Variants in DTNB observed in about 807,000 individuals in gnomAD.
The protein encoded by DTNB is DTN-B.
In DTNB, 63 loss-of-function variants were observed where a neutral mutation model predicts 90.7. The ratio of observed to expected loss-of-function variants is 0.69; its 90% CI spans 0.57 to 0.86. The LOEUF (loss-of-function observed/expected upper bound fraction) is 0.86, where lower values mean the gene tolerates loss of function less well. Among genes scored for constraint, DTNB ranks in the 40% least tolerant of loss-of-function variants. The pLI is 0.00. For missense variants in DTNB, 744 were observed against 807.1 expected, an observed-to-expected ratio of 0.92 and a Z score of 0.95; for synonymous variants, 277 against 286.7, an observed-to-expected ratio of 0.97 and a Z score of 0.34.
intron 6 of DTNB, among the ~76,000 whole-genome samples, chr2:25,584,152 A>C (rs1239715910): frequency 1.3e-5 from 2 of 152,214 alleles, no homozygotes; most frequent in African/African-American, 4.8e-5. Context: ...GGAGCTTTGG[A>C]ATATTTCATA....
At chr2:25,404,747 C>A (rs868196759) in intron 16 of DTNB, among the ~76,000 whole-genome samples, 2 of 151,916 alleles carry the variant, frequency 1.3e-5, no homozygotes, top group African/African-American at 4.8e-5. Context: ...CCCAGCTACT[C>A]GGGAGGCTGA....
rs1250938111 is a variant in DTNB at position 25,387,372 on chromosome 2, C to T, written c.1742G>A (p.Arg581Lys). The change falls in exon 18 of 21, where the codon AGG becomes AAG. Residue 581 changes from arginine to lysine, a missense_variant. Coordinates refer to ENST00000406818, the MANE Select transcript of DTNB (RefSeq NM_021907.5). The surrounding 1 kb of genome is among the most constrained non-coding windows in gnomAD (Gnocchi z 4.5). ...CAGCAGGTCATTGCGGAGGTTTCTCCTCGTACCTGAGGAGAGGCAGAGCAG... is the reference window on the plus strand; with the variant it reads ...CAGCAGGTCATTGCGGAGGTTTCTCTTCGTACCTGAGGAGAGGCAGAGCAG... ...DVQEAFAQGT[R>K]RNLRNDLLVA... 6.2e-7 allele frequency: 1 copy of T among 1,612,154 alleles called. No homozygotes were observed. Among genetic ancestry groups the T allele is most frequent in the Non-Finnish European group, 8.5e-7 (1 of 1,179,108 alleles).
chr2:25,438,419 G>A (rs6710174), intron 12 of DTNB, among the ~76,000 whole-genome samples: 2,060 of 152,308 alleles, frequency 0.014, 52 homozygotes, highest in African/African-American at 0.046. Context: ...CAGGCCATGG[G>A]TTGGACAAGC....
intron 15 of DTNB, among the ~76,000 whole-genome samples, chr2:25,423,274 G>A (rs1461943258): frequency 6.6e-6 from 1 of 152,146 alleles, no homozygotes; most frequent in Non-Finnish European, 1.5e-5. Flanking sequence ...TAGTCACCAT[G>A]ATATGCCAAA....
chr2:25,475,961 G>A (rs909046145), intron 10 of DTNB, among the ~76,000 whole-genome samples: 1 of 152,122 alleles, frequency 6.6e-6, no homozygotes, highest in African/African-American at 2.4e-5. Context: ...CATTGACAAT[G>A]CATGTGGCTC....
intron 19 of DTNB, 53 bp downstream of exon 19, chr2:25,383,783 C>A (rs768594139): frequency 2.2e-5 from 36 of 1,613,788 alleles, no homozygotes; most frequent in Admixed American, 8.3e-5. Flanking sequence ...GGCGGCTGAT[C>A]CATGAGCTCG....
chr2:25,592,014 T>C (rs1407861832), intron 6 of DTNB, among the ~76,000 whole-genome samples: 1 of 145,246 alleles, frequency 6.9e-6, no homozygotes, highest in Non-Finnish European at 1.5e-5. Context: ...TGAGCCAAGA[T>C]TGCACCAATG....
chr2:25,502,115 G>A (rs534668242), intron 9 of DTNB, among the ~76,000 whole-genome samples: 3 of 152,156 alleles, frequency 2.0e-5, no homozygotes, highest in South Asian at 2.1e-4. Flanking sequence ...GCCCAGGGAG[G>A]TGGAGTCTGC....
intron 6 of DTNB, 30 bp downstream of exon 6, chr2:25,596,056 T>TAGCC (rs1002937095): frequency 7.1e-6 from 11 of 1,546,342 alleles, no homozygotes; most frequent in Non-Finnish European, 8.7e-6. Context: ...AGCGCTCTTC[T>TAGCC]AGCCCTAGAT....
At chr2:25,517,831 A>G (rs1213907015) in intron 9 of DTNB, among the ~76,000 whole-genome samples, 2 of 152,206 alleles carry the variant, frequency 1.3e-5, no homozygotes, top group Non-Finnish European at 2.9e-5. Context: ...TGAATGGATG[A>G]GCAAAATATG....
At chr2:25,483,008 G>A (rs2065307135) in intron 9 of DTNB, 135 bp from the exon 10 acceptor site, 2 of 864,100 alleles carry the variant, frequency 2.3e-6, no homozygotes, top group African/African-American at 1.8e-5. Flanking sequence ...GGGGAGGGGG[G>A]GGACCCATGG....
chr2:25,518,805 T>C (rs1438277807), intron 9 of DTNB, among the ~76,000 whole-genome samples: 1 of 152,134 alleles, frequency 6.6e-6, no homozygotes, highest in East Asian at 1.9e-4. Flanking sequence ...ACAGGTAACA[T>C]TCATACCAGG....
chr2:25,420,430 C>T (rs1435952728), intron 15 of DTNB, among the ~76,000 whole-genome samples: 1 of 152,000 alleles, frequency 6.6e-6, no homozygotes. Flanking sequence ...ATGCAGAAAG[C>T]ACTGGAAACA....
chr2:25,544,197 C>T (rs921691768), intron 8 of DTNB, among the ~76,000 whole-genome samples: 1 of 152,198 alleles, frequency 6.6e-6, no homozygotes, highest in Non-Finnish European at 1.5e-5. Flanking sequence ...CGGTGTCCAA[C>T]TGAGGGACAG....
intron 9 of DTNB, among the ~76,000 whole-genome samples, chr2:25,492,767 T>C (rs547082752): frequency 3.9e-5 from 6 of 152,214 alleles, no homozygotes; most frequent in Admixed American, 3.9e-4. Flanking sequence ...GGAGGACTGC[T>C]TGAGCCTGGG....
At chr2:25,649,901 C>T (rs2080481878) in intron 2 of DTNB, 3 of 452,274 alleles carry the variant, frequency 6.6e-6, no homozygotes, top group Non-Finnish European at 8.7e-6. Flanking sequence ...AGTAGTTATG[C>T]TGGAGTTTCT....
rs932912107 is a variant in DTNB, at chr2:25,638,503, G to A, written c.148+511C>T. ...TGTCACGAGCTAGTTCATCTTCATG[G>A]AAATAAAGAGAAGAAAGATTAAGTA... On this transcript the variant is annotated intron_variant, in intron 3 of 20. Transcript: ENST00000406818. Among the ~76,000 whole-genome samples the A allele has an allele frequency of 2.2e-4, 34 of 152,066 alleles. 1 individual carries two copies. The highest frequency in any genetic ancestry group is 4.4e-5 in the Non-Finnish European group (3 of 68,018).
At chr2:25,620,173 G>T (rs1371092150) in intron 4 of DTNB, among the ~76,000 whole-genome samples, 1 of 152,166 alleles carries the variant, frequency 6.6e-6, no homozygotes, top group African/African-American at 2.4e-5. Context: ...CATCTGTCTG[G>T]GGAAAATGAG....
At chr2:25,594,215 C>T (rs746137685) in intron 6 of DTNB, among the ~76,000 whole-genome samples, 8 of 152,000 alleles carry the variant, frequency 5.3e-5, no homozygotes, top group South Asian at 2.1e-4. Context: ...AATGCATATT[C>T]GGGGGGGAAA....
Sources: allele counts gnomAD v4.1 joint callset (sites outside exome capture counted in the v4.1 genomes callset), GRCh38; gene constraint gnomAD v4.1.1; non-coding constraint Gnocchi (gnomAD v3.1); transcripts MANE v1.5; gene names NCBI Gene and HGNC (gene_info 2026-07-23, HGNC 2026-07-21).